The following SEC22A variants were observed in gnomAD, a reference collection of about 807,000 sequenced individuals.
SEC22A encodes SEC22 homolog A, vesicle trafficking protein, also known as vesicle-trafficking protein SEC22a.
Under a neutral mutation model 35.3 loss-of-function variants are expected in SEC22A, and 22 were observed. That is an observed-to-expected ratio of 0.62 (90% CI 0.45 to 0.89). SEC22A has a LOEUF of 0.89. SEC22A is among the 40% of genes least tolerant of loss of function. The pLI is 0.00. For missense variants in SEC22A, 354 were observed against 362.5 expected (o/e 0.98, Z 0.19); for synonymous variants, 119 against 129.5 (o/e 0.92, Z 0.55).
chr3:123,203,852 C>A (rs1936800996), intron 1 of SEC22A, among the ~76,000 whole-genome samples: 1 of 152,160 alleles, frequency 6.6e-6, no homozygotes, highest in African/African-American at 2.4e-5. Flanking sequence ...TTGGGATTGA[C>A]ACATTTGAGC....
intron 4 of SEC22A, among the ~76,000 whole-genome samples, chr3:123,242,061 A>G (rs1313983207): frequency 6.6e-6 from 1 of 151,862 alleles, no homozygotes; most frequent in Non-Finnish European, 1.5e-5. Flanking sequence ...ACTGTTAGCC[A>G]TATCTTTCTT....
At chr3:123,250,690 A>G (rs763014760) in intron 5 of SEC22A, among the ~76,000 whole-genome samples, 7 of 152,200 alleles carry the variant, frequency 4.6e-5, no homozygotes, top group Non-Finnish European at 8.8e-5. Flanking sequence ...GTACAAATGT[A>G]TGCCCTCTCA....
At chr3:123,255,527 A>G (rs977278532) in intron 5 of SEC22A, among the ~76,000 whole-genome samples, 5 of 152,172 alleles carry the variant, frequency 3.3e-5, no homozygotes, top group African/African-American at 4.8e-5. Context: ...TTCAAAGCCT[A>G]TAAGAGTTGA....
chr3:123,240,294 G>C (rs1937506151), intron 4 of SEC22A, among the ~76,000 whole-genome samples: 4 of 152,150 alleles, frequency 2.6e-5, no homozygotes. Context: ...GTTTCTTTGT[G>C]TCCCTTTTCA....
intron 4 of SEC22A, 43 bp downstream of exon 4, chr3:123,225,340 G>A (rs1281246437): frequency 1.8e-5 from 22 of 1,220,890 alleles, no homozygotes; most frequent in Non-Finnish European, 2.3e-5. Flanking sequence ...AAAAATCCTT[G>A]GGAAAAACTG....
At chr3:123,237,383 C>T (rs1253024968) in intron 4 of SEC22A, among the ~76,000 whole-genome samples, 1 of 152,186 alleles carries the variant, frequency 6.6e-6, no homozygotes, top group African/African-American at 2.4e-5. Flanking sequence ...AAGAAGACTG[C>T]ATTTGAAAAA....
At chr3:123,250,716 T>A (rs1937605486) in intron 5 of SEC22A, among the ~76,000 whole-genome samples, 1 of 152,222 alleles carries the variant, frequency 6.6e-6, no homozygotes, top group Admixed American at 6.5e-5. Flanking sequence ...ATGGCCATTT[T>A]GAGAAAGCCA....
intron 4 of SEC22A, among the ~76,000 whole-genome samples, chr3:123,240,458 C>G (rs1376192815): frequency 3.3e-5 from 5 of 152,312 alleles, no homozygotes; most frequent in Middle Eastern, 3.4e-3. Flanking sequence ...TACATGTTGC[C>G]TGTCTCAGTA....
intron 6 of SEC22A, among the ~76,000 whole-genome samples, chr3:123,260,839 CTTTTTTT>C (rs11293756): frequency 1.5e-5 from 2 of 134,644 alleles, no homozygotes; most frequent in Non-Finnish European, 3.2e-5. Flanking sequence ...TTTTCTTTTT[CTTTTTTT>C]TTTTTTTTTG....
At chr3:123,211,061 G>A (rs1240993916) in intron 2 of SEC22A, among the ~76,000 whole-genome samples, 1 of 152,190 alleles carries the variant, frequency 6.6e-6, no homozygotes, top group African/African-American at 2.4e-5. Flanking sequence ...GTTATAGGAA[G>A]CTGTGCTGCA....
intron 5 of SEC22A, among the ~76,000 whole-genome samples, chr3:123,249,143 A>T (rs12330420): frequency 0.2 from 29,858 of 152,136 alleles, 3,037 homozygotes; most frequent in Middle Eastern, 0.27. Context: ...AGCCATGAAG[A>T]GGTACATAGG....
chr3:123,256,936 T>G (rs1937746394), intron 5 of SEC22A, among the ~76,000 whole-genome samples: 1 of 151,928 alleles, frequency 6.6e-6, no homozygotes, highest in South Asian at 2.1e-4. Flanking sequence ...ATTTTTTGTA[T>G]TTTTAGTAGA....
At chr3:123,238,538 G>A (rs1937469109) in intron 4 of SEC22A, among the ~76,000 whole-genome samples, 2 of 152,246 alleles carry the variant, frequency 1.3e-5, no homozygotes, top group South Asian at 2.1e-4. Context: ...TTTTAATTCA[G>A]ACCAAGCCTA....
At chr3:123,245,126 T>C (rs1937555956) in intron 4 of SEC22A, among the ~76,000 whole-genome samples, 1 of 152,204 alleles carries the variant, frequency 6.6e-6, no homozygotes, top group Non-Finnish European at 1.5e-5. Context: ...CTTTCACATG[T>C]ATCCAGTGAT....
chr3:123,206,840 T>C (rs1288555184), intron 1 of SEC22A, among the ~76,000 whole-genome samples: 1 of 152,164 alleles, frequency 6.6e-6, no homozygotes. Context: ...GTAATCCTAG[T>C]ACTTTGGGAG....
Position 123,226,764 on chromosome 3 carries a change from G to A in SEC22A, c.541+1467G>A, listed in dbSNP as rs62262564. On this transcript the variant is annotated intron_variant, in intron 4 of 6. Coordinates refer to ENST00000492595, the MANE Select transcript of SEC22A (RefSeq NM_012430.5). Reference sequence around the variant, plus strand: ...TTTGCATTGGTTGCCTGTACTTGTGGGGTATTACTCAAGAGATCTTTGCCC... The same window carrying A: ...TTTGCATTGGTTGCCTGTACTTGTGAGGTATTACTCAAGAGATCTTTGCCC... Among the ~76,000 whole-genome samples the A allele has an allele frequency of 4.6e-3, 700 of 152,238 alleles. 3 individuals carry two copies. Among genetic ancestry groups the A allele is most frequent in the Non-Finnish European group, 7.6e-3 (520 of 68,000 alleles).
chr3:123,244,531 C>T, intron 4 of SEC22A, among the ~76,000 whole-genome samples: 1 of 151,978 alleles, frequency 6.6e-6, no homozygotes, highest in East Asian at 1.9e-4. Context: ...TGTCATATTA[C>T]AATATCAAGG....
At chr3:123,237,871 G>T (rs986972259) in intron 4 of SEC22A, among the ~76,000 whole-genome samples, 2 of 151,512 alleles carry the variant, frequency 1.3e-5, no homozygotes, top group African/African-American at 4.9e-5. Flanking sequence ...AGGAAGAGGG[G>T]CAAGATGCAG....
At chr3:123,232,460 A>G (rs989388872) in intron 4 of SEC22A, among the ~76,000 whole-genome samples, 1 of 152,194 alleles carries the variant, frequency 6.6e-6, no homozygotes, top group African/African-American at 2.4e-5. Flanking sequence ...AACTACCCAC[A>G]AAGAAAACTC....
Sources: allele counts gnomAD v4.1 joint callset (sites outside exome capture counted in the v4.1 genomes callset), GRCh38; gene constraint gnomAD v4.1.1; transcripts MANE v1.5; gene names NCBI Gene and HGNC (gene_info 2026-07-23, HGNC 2026-07-21).